WASF2: variants seen among roughly 807,000 people sequenced by gnomAD.
WASF2 encodes the protein actin-binding protein WASF2.
WASF2 carries 14 observed loss-of-function variants against 45.0 expected under a neutral mutation model. The observed-to-expected ratio is 0.31, with a 90% CI of 0.21 to 0.49. WASF2 has a LOEUF of 0.49. Among genes scored for constraint, WASF2 ranks in the 20% least tolerant of loss-of-function variants. WASF2 has a pLI of 0.99. For missense variants in WASF2, 439 were observed against 636.1 expected (o/e 0.69, Z 3.33); for synonymous variants, 200 against 236.3 (o/e 0.85, Z 1.41).
chr1:27,474,952 AAAAACAAAAC>A (rs1019308644), intron 1 of WASF2, among the ~76,000 whole-genome samples: 3 of 151,784 alleles, frequency 2.0e-5, no homozygotes, highest in African/African-American at 4.8e-5. Flanking sequence ...ATCTTGTCTC[AAAAACAAAAC>A]AAAACAAAAC....
Position 27,408,350 on chromosome 1 carries a change from G to C in WASF2, c.1340-4C>G. 1.2e-6 allele frequency: 2 copies of C among 1,614,186 alleles called. No individual in the cohort carries two copies. The highest frequency in any genetic ancestry group is 1.7e-6 in the Non-Finnish European group (2 of 1,180,018). On this transcript the variant is annotated splice_region_variant and splice_polypyrimidine_tract_variant and intron_variant, in intron 8 of 8. Coordinates refer to ENST00000618852, the MANE Select transcript of WASF2 (RefSeq NM_006990.5). ...TCAACCCTGCGCAGCTGAAAACCTA[G>C]TGGCAAAGAGACAGAAGGGTGAGGA... is the stretch of plus-strand genomic sequence containing the variant.
At chr1:27,456,789 C>T (rs567131479) in intron 1 of WASF2, among the ~76,000 whole-genome samples, 42 of 146,958 alleles carry the variant, frequency 2.9e-4, no homozygotes, top group African/African-American at 9.6e-4. Context: ...GGCTGGAATG[C>T]AATGGTGCGA....
chr1:27,483,329 G>A (rs748827188), intron 1 of WASF2, among the ~76,000 whole-genome samples: 8 of 152,120 alleles, frequency 5.3e-5, no homozygotes, highest in Non-Finnish European at 8.8e-5. Context: ...AATTAGCCAG[G>A]CATGGTGGCA....
chr1:27,434,013 C>A (rs1233088246), intron 1 of WASF2, among the ~76,000 whole-genome samples: 2 of 152,074 alleles, frequency 1.3e-5, no homozygotes, highest in Non-Finnish European at 2.9e-5. Flanking sequence ...GTGATATCTG[C>A]TAATTTGGGG....
At chr1:27,419,813 T>G (rs1571124296) in intron 2 of WASF2, among the ~76,000 whole-genome samples, 1 of 152,200 alleles carries the variant, frequency 6.6e-6, no homozygotes, top group African/African-American at 2.4e-5. Flanking sequence ...GTGTTATCTT[T>G]GAGGGGCCCT....
chr1:27,483,327 A>C (rs1331512761), intron 1 of WASF2, among the ~76,000 whole-genome samples: 2 of 152,182 alleles, frequency 1.3e-5, no homozygotes, highest in African/African-American at 4.8e-5. Flanking sequence ...AAAATTAGCC[A>C]GGCATGGTGG....
intron 1 of WASF2, among the ~76,000 whole-genome samples, chr1:27,454,185 ATAT>A (rs1321592656): frequency 1.0e-3 from 8 of 7,956 alleles, no homozygotes; most frequent in Non-Finnish European, 2.0e-3. Context: ...ATATATATAT[ATAT>A]TTTTTTTTTT....
chr1:27,417,619 A>G (rs962342603), intron 4 of WASF2, among the ~76,000 whole-genome samples: 1 of 152,222 alleles, frequency 6.6e-6, no homozygotes, highest in Non-Finnish European at 1.5e-5. Context: ...TTGCAGGATG[A>G]CAAAACTACC....
intron 1 of WASF2, among the ~76,000 whole-genome samples, chr1:27,466,289 T>C (rs533756324): frequency 4.6e-5 from 7 of 152,366 alleles, no homozygotes; most frequent in Non-Finnish European, 8.8e-5. Context: ...AATCTAATCA[T>C]TTTTCACACA....
chr1:27,442,084 T>C (rs1241676351), intron 1 of WASF2, among the ~76,000 whole-genome samples: 3 of 151,488 alleles, frequency 2.0e-5, no homozygotes, highest in Admixed American at 6.6e-5. Flanking sequence ...CACTCCAGCC[T>C]GGGCAAAAAA....
At chr1:27,473,483 A>G (rs1195506996) in intron 1 of WASF2, among the ~76,000 whole-genome samples, 5 of 151,828 alleles carry the variant, frequency 3.3e-5, no homozygotes, top group South Asian at 2.1e-4. Context: ...AAGAAAGAAA[A>G]AAAAAGTTAC....
intron 1 of WASF2, among the ~76,000 whole-genome samples, chr1:27,451,516 T>A (rs1350185098): frequency 6.6e-6 from 1 of 152,128 alleles, no homozygotes; most frequent in Non-Finnish European, 1.5e-5. Flanking sequence ...CTACAGCACT[T>A]AACAGAGTGT....
At chr1:27,425,838 C>CAA (rs57916899) in intron 2 of WASF2, among the ~76,000 whole-genome samples, 39,337 of 50,722 alleles carry the variant, frequency 0.78, 15,611 homozygotes, top group Middle Eastern at 0.91. Flanking sequence ...GACTCCGTCT[C>CAA]AAAAAAAAAA....
intron 1 of WASF2, among the ~76,000 whole-genome samples, chr1:27,479,238 A>G (rs1457008762): frequency 1.3e-5 from 2 of 151,538 alleles, no homozygotes; most frequent in African/African-American, 4.8e-5. Context: ...GTGAGCCAAG[A>G]CTGCGCCACT....
At chr1:27,489,803 C>T (rs985626670) in intron 1 of WASF2, among the ~76,000 whole-genome samples, 183 bp downstream of exon 1, 1 of 152,208 alleles carries the variant, frequency 6.6e-6, no homozygotes, top group African/African-American at 2.4e-5. Flanking sequence ...TCACTCCCTC[C>T]CTCCCTGAGG....
intron 1 of WASF2, among the ~76,000 whole-genome samples, chr1:27,435,016 G>A (rs1172141612): frequency 2.0e-5 from 3 of 151,842 alleles, no homozygotes; most frequent in Admixed American, 6.6e-5. Flanking sequence ...GCACAATCTC[G>A]GCTCACCACA....
intron 7 of WASF2, 75 bp downstream of exon 7, chr1:27,412,497 C>G: frequency 1.3e-6 from 2 of 1,586,196 alleles, no homozygotes; most frequent in Non-Finnish European, 1.7e-6. Flanking sequence ...AGGCGTGAGC[C>G]ACTGCTCCTG....
intron 1 of WASF2, among the ~76,000 whole-genome samples, chr1:27,437,788 G>A (rs1457114995): frequency 6.6e-6 from 1 of 152,018 alleles, no homozygotes; most frequent in East Asian, 1.9e-4. Context: ...CTCCTAATAA[G>A]GTATCAGATT....
At chr1:27,450,907 G>T (rs986073488) in intron 1 of WASF2, among the ~76,000 whole-genome samples, 1 of 150,784 alleles carries the variant, frequency 6.6e-6, no homozygotes, top group East Asian at 2.0e-4. Flanking sequence ...GCACACAAAT[G>T]ACAACTATGA....
Sources: allele counts gnomAD v4.1 joint callset (sites outside exome capture counted in the v4.1 genomes callset), GRCh38; gene constraint gnomAD v4.1.1; transcripts MANE v1.5; gene names NCBI Gene and HGNC (gene_info 2026-07-23, HGNC 2026-07-21).